TMEM217: variants seen among roughly 807,000 people sequenced by gnomAD.
TMEM217 encodes transmembrane protein 217, also known as chromosome 6 open reading frame 128.
For synonymous variants in TMEM217, 76 were observed against 88.3 expected (o/e 0.86, Z 0.78); for missense variants, 204 against 248.8 (o/e 0.82, Z 1.21).
downstream of TMEM217, chr6:37,212,968 A>G (rs559106172): frequency 2.5e-4 from 385 of 1,547,496 alleles, 1 homozygote; most frequent in Non-Finnish European, 3.1e-4. Context: ...CCTGACATTC[A>G]TTTTATACTT....
At chr6:37,226,721 C>G (rs1007653697) in intron 1 of TMEM217, among the ~76,000 whole-genome samples, 3 of 151,960 alleles carry the variant, frequency 2.0e-5, no homozygotes, top group African/African-American at 7.3e-5. Flanking sequence ...GCAACCACAC[C>G]CAGCTAATTT....
At chr6:37,215,105 C>A, downstream of TMEM217, 1 of 1,527,566 alleles carries the variant, frequency 6.5e-7, no homozygotes. Flanking sequence ...CCACCCTCGG[C>A]ACCTCTCTCT....
At chr6:37,242,317 C>T (rs1163035271) in intron 1 of TMEM217, among the ~76,000 whole-genome samples, 1 of 152,166 alleles carries the variant, frequency 6.6e-6, no homozygotes, top group Non-Finnish European at 1.5e-5. Context: ...CCTCTCTATT[C>T]CCCCCAAGGG....
At chr6:37,248,411 T>C (rs773083640) in intron 1 of TMEM217, among the ~76,000 whole-genome samples, 1 of 152,216 alleles carries the variant, frequency 6.6e-6, no homozygotes, top group Non-Finnish European at 1.5e-5. Flanking sequence ...CAAAATCATA[T>C]GTTTTTACCC....
At chr6:37,218,006 G>C (rs1438767155) in exon 2 of TMEM217, 1 of 990,596 alleles carries the variant, frequency 1.0e-6, no homozygotes, top group African/African-American at 1.7e-5. Flanking sequence ...TTCTCTTCAT[G>C]TTCTCCTGAA....
chr6:37,247,459 C>T (rs191758530), intron 1 of TMEM217, among the ~76,000 whole-genome samples: 2 of 150,316 alleles, frequency 1.3e-5, no homozygotes, highest in East Asian at 3.9e-4. Context: ...GCGACCTCAG[C>T]TCACTGCAAC....
chr6:37,238,330 C>T (rs918402102), intron 1 of TMEM217, among the ~76,000 whole-genome samples: 1 of 152,038 alleles, frequency 6.6e-6, no homozygotes, highest in African/African-American at 2.4e-5. Flanking sequence ...TACTTTATGC[C>T]AAGGAGTAGC....
At chr6:37,229,404 G>A (rs1290495318) in intron 1 of TMEM217, among the ~76,000 whole-genome samples, 4 of 135,440 alleles carry the variant, frequency 3.0e-5, no homozygotes, top group Non-Finnish European at 4.6e-5. Flanking sequence ...GTGCAGCGGC[G>A]CGATCTCGGC....
chr6:37,245,438 T>C (rs954184821), intron 1 of TMEM217, among the ~76,000 whole-genome samples: 1 of 152,242 alleles, frequency 6.6e-6, no homozygotes, highest in African/African-American at 2.4e-5. Context: ...CTTCTTTGCA[T>C]CACAAACTCC....
chr6:37,250,026 A>G (rs1416976201), intron 1 of TMEM217, among the ~76,000 whole-genome samples: 2 of 152,262 alleles, frequency 1.3e-5, no homozygotes, highest in Non-Finnish European at 2.9e-5. Flanking sequence ...GTAGTAGCAT[A>G]GATAAAATAT....
intron 1 of TMEM217, among the ~76,000 whole-genome samples, chr6:37,238,763 G>T (rs952853223): frequency 7.9e-5 from 12 of 152,232 alleles, no homozygotes; most frequent in African/African-American, 2.4e-4. Context: ...GAAAGGGAGA[G>T]ACTTACTTTT....
chr6:37,249,635 A>G (rs1215765733), intron 1 of TMEM217, among the ~76,000 whole-genome samples: 1 of 152,176 alleles, frequency 6.6e-6, no homozygotes, highest in Non-Finnish European at 1.5e-5. Context: ...GAAGATTTCT[A>G]TGTGACTGAA....
chr6:37,218,021 T>C lies in TMEM217; in HGVS notation c.*401A>G, dbSNP rs531103551. 260 of 991,608 alleles carry C rather than the reference T, an allele frequency of 2.6e-4. No individual in the cohort carries two copies. In the African/African-American group the frequency reaches 4.1e-3, roughly 16 times the overall value. 61.4% of individuals were successfully genotyped at this position (991,608 alleles called of 1,614,324 possible). A position where few individuals can be genotyped will look rare whatever the true frequency, so the allele number is the denominator to read the frequency against. On this transcript the variant is annotated 3_prime_UTR_variant, in exon 2 of 2. Transcript: ENST00000357219. ...TTCTCTTCATGTTCTCCTGAAAGAGTGGCAGTAGGGTCTCTACTTGCAGAA... is the reference window on the plus strand; with the variant it reads ...TTCTCTTCATGTTCTCCTGAAAGAGCGGCAGTAGGGTCTCTACTTGCAGAA...
chr6:37,232,487 G>A (rs1442727827), intron 1 of TMEM217, among the ~76,000 whole-genome samples: 1 of 152,140 alleles, frequency 6.6e-6, no homozygotes, highest in African/African-American at 2.4e-5. Context: ...CGGGGTTCAC[G>A]CCATTCTCCT....
intron 1 of TMEM217, among the ~76,000 whole-genome samples, chr6:37,240,830 A>C (rs1389671678): frequency 6.6e-6 from 1 of 152,134 alleles, no homozygotes; most frequent in Non-Finnish European, 1.5e-5. Context: ...ATATGTACCT[A>C]TCTGTTTTAG....
At chr6:37,254,935 C>T (rs983896401) in intron 1 of TMEM217, among the ~76,000 whole-genome samples, 2 of 152,104 alleles carry the variant, frequency 1.3e-5, no homozygotes, top group Non-Finnish European at 2.9e-5. Context: ...ATAAGGAGTG[C>T]GCAATGCAAC....
At chr6:37,213,848 C>G (rs1763039851), downstream of TMEM217, among the ~76,000 whole-genome samples, 1 of 152,226 alleles carries the variant, frequency 6.6e-6, no homozygotes. Context: ...GAGCAAACCT[C>G]TCTCCTCATC....
chr6:37,246,333 C>T (rs1251866532), intron 1 of TMEM217, among the ~76,000 whole-genome samples: 1 of 152,196 alleles, frequency 6.6e-6, no homozygotes, highest in Non-Finnish European at 1.5e-5. Context: ...TCTGCTCCCA[C>T]ATGTCTGTTA....
chr6:37,224,615 G>GAAA (rs70977635), intron 1 of TMEM217, among the ~76,000 whole-genome samples: 3 of 149,440 alleles, frequency 2.0e-5, no homozygotes, highest in Non-Finnish European at 1.5e-5. Flanking sequence ...ACAAACAAAC[G>GAAA]AAAAAAAAAC....
Sources: allele counts gnomAD v4.1 joint callset (sites outside exome capture counted in the v4.1 genomes callset), GRCh38; gene constraint gnomAD v4.1.1; transcripts MANE v1.5; gene names NCBI Gene and HGNC (gene_info 2026-07-23, HGNC 2026-07-21).